ASNS: variants seen among roughly 807,000 people sequenced by gnomAD.
ASNS encodes the protein asparagine synthetase (glutamine-hydrolyzing), also known as asparagine synthetase [glutamine-hydrolyzing].
A neutral mutation model predicts 62.6 loss-of-function variants in ASNS; 37 were observed. The observed-to-expected ratio is 0.59, with a 90% CI of 0.45 to 0.78. The LOEUF is 0.78. Ranked by LOEUF, ASNS falls within the 30% of genes least tolerant of loss-of-function variation. The probability of loss-of-function intolerance (pLI) is 0.00; values close to 1 mark genes in which losing one functional copy is unlikely to be tolerated. For missense variants in ASNS, 520 were observed against 682.4 expected, an observed-to-expected ratio of 0.76 and a Z score of 2.65; for synonymous variants, 207 against 237.9, an observed-to-expected ratio of 0.87 and a Z score of 1.19.
chr7:97,870,197 G>C, intron 1 of ASNS: 2 of 990,994 alleles, frequency 2.0e-6, no homozygotes, highest in Non-Finnish European at 2.8e-6. Context: ...GTTTGGCAGT[G>C]ATGACTGCCT....
the ASNS span, among the ~76,000 whole-genome samples, chr7:97,893,212 GA>G: frequency 1.3e-5 from 2 of 152,232 alleles, no homozygotes; most frequent in Admixed American, 6.5e-5. Flanking sequence ...ACTATTAAAA[GA>G]ATAGCATGGG....
intron 7 of ASNS, 24 bp from the exon 8 acceptor site, chr7:97,856,840 T>A (rs775297113): frequency 6.4e-7 from 1 of 1,567,226 alleles, no homozygotes; most frequent in Non-Finnish European, 8.7e-7. Flanking sequence ...GAAATACCCA[T>A]TTACTTGTTA....
Position 97,856,821 on chromosome 7 carries a change from T to C in ASNS, c.904-5A>G, listed in dbSNP as rs1791461300. On this transcript the variant is annotated splice_polypyrimidine_tract_variant and splice_region_variant and intron_variant, in intron 7 of 12. Coordinates refer to ENST00000394308, the MANE Select transcript of ASNS (RefSeq NM_001673.5). ...ACTTCCAATATGATCTGCCACCTTA[T>C]TATATAAAGAAATACCCATTTACTT... is the stretch of plus-strand genomic sequence containing the variant. 6.3e-7 allele frequency: 1 copy of C among 1,595,934 alleles called. No homozygotes were observed. The highest frequency in any genetic ancestry group is 8.5e-7 in the Non-Finnish European group (1 of 1,172,320).
chr7:97,859,294 A>G lies in ASNS; in HGVS notation c.592T>C (p.Ser198Pro). 1 of 1,614,166 alleles carries G rather than the reference A, an allele frequency of 6.2e-7. No individual in the cohort carries two copies. The highest frequency in any genetic ancestry group is 2.2e-5 in the East Asian group (1 of 44,876). Residue 198 changes from serine (S) to proline (P), a missense_variant, in exon 5 of 13, where the codon TCC becomes CCC. Coordinates refer to ENST00000394308, the MANE Select transcript of ASNS (RefSeq NM_001673.5). ...TGATGATATTTAACCATTTCCACGGATGCAACTTTGCCATTTGGCTTTAAA... is the reference window on the plus strand; with the variant it reads ...TGATGATATTTAACCATTTCCACGGGTGCAACTTTGCCATTTGGCTTTAAA... ...LDLKPNGKVA[S>P]VEMVKYHHCR... is the part of the protein sequence containing the mutation.
At chr7:97,867,534 AAGTG>A (rs1448693843) in intron 3 of ASNS, among the ~76,000 whole-genome samples, 1 of 152,224 alleles carries the variant, frequency 6.6e-6, no homozygotes, top group East Asian at 1.9e-4. Flanking sequence ...AACACTGTTC[AAGTG>A]AAACAGGGCA....
At chr7:97,928,019 C>G in the ASNS span, 1 of 902,226 alleles carries the variant, frequency 1.1e-6, no homozygotes, top group Non-Finnish European at 1.7e-6. Flanking sequence ...GCCGCCCCTA[C>G]CCCGCGTCCC....
chr7:97,925,926 A>G, the ASNS span, among the ~76,000 whole-genome samples: 1 of 152,120 alleles, frequency 6.6e-6, no homozygotes, highest in African/African-American at 2.4e-5. Flanking sequence ...ATCATTCACA[A>G]GCGGTCAATA....
At chr7:97,857,821 C>A (rs1439512848) in intron 7 of ASNS, among the ~76,000 whole-genome samples, 1 of 151,800 alleles carries the variant, frequency 6.6e-6, no homozygotes, top group Non-Finnish European at 1.5e-5. Flanking sequence ...AGGTCTCACT[C>A]TGTCACCCAG....
Position 97,868,197 on chromosome 7 carries a change from A to T in ASNS, c.249+711T>A, listed in dbSNP as rs190797750. On this transcript the variant is annotated intron_variant, in intron 3 of 12. Transcript: ENST00000394308. ...GTGGCAGGTGCCTGTAGTCCCAGCT[A>T]CTTGGGAGGCTGAGGCAGGAGAATT... Among the ~76,000 whole-genome samples the T allele has an allele frequency of 1.6e-3, 250 of 152,296 alleles. 3 individuals carry two copies. Among genetic ancestry groups the T allele is most frequent in the African/African-American group, 5.7e-3 (239 of 41,570 alleles).
intron 6 of ASNS, 93 bp from the exon 7 acceptor site, chr7:97,858,498 A>C: frequency 2.8e-5 from 41 of 1,471,588 alleles, no homozygotes; most frequent in Non-Finnish European, 3.1e-5. Context: ...CACCAAGATC[A>C]TAGTTTTACT....
the ASNS span, among the ~76,000 whole-genome samples, chr7:97,926,186 C>T: frequency 2.0e-5 from 3 of 151,976 alleles, no homozygotes; most frequent in African/African-American, 4.8e-5. Context: ...CACCCAACCA[C>T]GAGATCACAG....
the ASNS span, among the ~76,000 whole-genome samples, chr7:97,909,877 T>C: frequency 6.6e-6 from 1 of 152,252 alleles, no homozygotes; most frequent in Admixed American, 6.5e-5. Flanking sequence ...AAAAGATTCT[T>C]TTTAAAATGA....
At chr7:97,922,082 C>T in the ASNS span, among the ~76,000 whole-genome samples, 2 of 152,116 alleles carry the variant, frequency 1.3e-5, no homozygotes, top group African/African-American at 4.8e-5. Flanking sequence ...AAGTTGAACT[C>T]GGCCAGGCAT....
chr7:97,853,398 A>G lies in ASNS; in HGVS notation c.1239-12T>C. On this transcript the variant is annotated splice_polypyrimidine_tract_variant and intron_variant, in intron 10 of 12. Transcript: ENST00000394308. ...CTCTCAGTTCAAGACTTAAAGGAGAAAAGAAGAAAATCTAAATTAAAATGG... is the reference window on the plus strand; with the variant it reads ...CTCTCAGTTCAAGACTTAAAGGAGAGAAGAAGAAAATCTAAATTAAAATGG... 1 of 1,606,982 alleles carries G rather than the reference A, an allele frequency of 6.2e-7. No homozygotes were observed. Among genetic ancestry groups the G allele is most frequent in the Non-Finnish European group, 8.5e-7 (1 of 1,176,316 alleles).
upstream of ASNS, among the ~76,000 whole-genome samples, chr7:97,876,804 T>A (rs2115807997): frequency 6.6e-6 from 1 of 152,258 alleles, no homozygotes; most frequent in Admixed American, 6.5e-5. Flanking sequence ...TAACACTGAG[T>A]TGGGATCTAT....
At chr7:97,882,517 C>T in the ASNS span, among the ~76,000 whole-genome samples, 24,061 of 149,930 alleles carry the variant, frequency 0.16, 2,223 homozygotes, top group Middle Eastern at 0.22. Flanking sequence ...CACTGCACTC[C>T]AGCCTGGAGA....
intron 4 of ASNS, among the ~76,000 whole-genome samples, chr7:97,862,756 T>C (rs1489944644): frequency 1.3e-5 from 2 of 150,966 alleles, no homozygotes; most frequent in Non-Finnish European, 2.9e-5. Context: ...CTCAATTTTT[T>C]CTAAAACTGC....
chr7:97,913,546 T>C, the ASNS span, among the ~76,000 whole-genome samples: 12 of 152,164 alleles, frequency 7.9e-5, no homozygotes, highest in African/African-American at 2.7e-4. Flanking sequence ...GTGTCGATGA[T>C]GCACTTTTAA....
the ASNS span, among the ~76,000 whole-genome samples, chr7:97,911,828 T>TG: frequency 6.6e-6 from 1 of 151,948 alleles, no homozygotes; most frequent in Non-Finnish European, 1.5e-5. Context: ...AGTCGACCCA[T>TG]GCGCCTTGCT....
Sources: allele counts gnomAD v4.1 joint callset (sites outside exome capture counted in the v4.1 genomes callset), GRCh38; gene constraint gnomAD v4.1.1; transcripts MANE v1.5; gene names NCBI Gene and HGNC (gene_info 2026-07-23, HGNC 2026-07-21).